The following VWA5B1 variants were observed in gnomAD, a reference collection of about 807,000 sequenced individuals.
VWA5B1 encodes the protein von Willebrand factor A domain-containing protein 5B1.
VWA5B1 carries 115 observed loss-of-function variants against 118.2 expected under a neutral mutation model. The observed-to-expected ratio is 0.97, with a 90% CI of 0.84 to 1.14. The LOEUF (loss-of-function observed/expected upper bound fraction) is 1.14, where lower values mean the gene tolerates loss of function less well. Ranked by LOEUF, VWA5B1 falls within the 50% of genes most tolerant of loss-of-function variation. The pLI is 0.00. For synonymous variants in VWA5B1, 682 were observed against 658.4 expected (o/e 1.04, Z -0.55); for missense variants, 1,596 against 1,603.8 (o/e 1.00, Z 0.08).
At position 20,318,573 on chromosome 1, in the gene VWA5B1, C is replaced by A; in HGVS notation, c.710-17C>A. On this transcript the variant is annotated splice_polypyrimidine_tract_variant and intron_variant, in intron 5 of 21. Transcript: ENST00000289815. ...CCTCATGAGCCTATATCCCCCTTGC[C>A]TTTCTATGCCACTCAGGGGTGGAGA... is the stretch of plus-strand genomic sequence containing the variant. 4 of 1,551,256 alleles carry A rather than the reference C, an allele frequency of 2.6e-6. No individual in the cohort carries two copies. The highest frequency in any genetic ancestry group is 3.5e-6 in the Non-Finnish European group (4 of 1,146,938).
chr1:20,335,918 C>T (rs2089702684), intron 12 of VWA5B1, among the ~76,000 whole-genome samples: 1 of 152,138 alleles, frequency 6.6e-6, no homozygotes, highest in Non-Finnish European at 1.5e-5. Flanking sequence ...TAAATGGACC[C>T]ACGCAGTTAA....
intron 12 of VWA5B1, 114 bp downstream of exon 12, chr1:20,333,065 G>C: frequency 7.8e-7 from 1 of 1,281,614 alleles, no homozygotes; most frequent in African/African-American, 1.5e-5. Flanking sequence ...AAGTGGGTTT[G>C]CAGCTGTGGG....
At chr1:20,323,565 G>A (rs780295355) in intron 8 of VWA5B1, 33 bp downstream of exon 8, 32 of 1,347,964 alleles carry the variant, frequency 2.4e-5, no homozygotes, top group African/African-American at 4.5e-5. Context: ...CCGAGGACCC[G>A]GGGCTCCAGG....
chr1:20,329,254 C>T (rs1254799274), intron 9 of VWA5B1, among the ~76,000 whole-genome samples: 1 of 147,252 alleles, frequency 6.8e-6, no homozygotes, highest in Non-Finnish European at 1.5e-5. Flanking sequence ...TGAAACATGC[C>T]ATTACTGCTT....
chr1:20,320,010 A>G (rs2089156487), intron 7 of VWA5B1, among the ~76,000 whole-genome samples: 1 of 152,168 alleles, frequency 6.6e-6, no homozygotes, highest in Non-Finnish European at 1.5e-5. Flanking sequence ...CTGCAGGACA[A>G]GGAGGCCTGG....
chr1:20,323,911 C>A (rs2089297958), intron 8 of VWA5B1, among the ~76,000 whole-genome samples: 1 of 152,186 alleles, frequency 6.6e-6, no homozygotes, highest in South Asian at 2.1e-4. Flanking sequence ...GGTACCTCAT[C>A]CAGACAATAA....
chr1:20,332,489 TAAAATAA>T (rs1226540571), intron 11 of VWA5B1, among the ~76,000 whole-genome samples: 4 of 75,634 alleles, frequency 5.3e-5, no homozygotes, highest in African/African-American at 2.3e-4. Flanking sequence ...CAAAATAAAA[TAAAATAA>T]AATAAAATAA....
Position 20,317,594 on chromosome 1 carries a change from C to T in VWA5B1, c.628C>T (p.Leu210Phe). The T allele has an allele frequency of 1.9e-6, 3 of 1,551,904 alleles. No homozygotes were observed. The highest frequency in any genetic ancestry group is 2.6e-6 in the Non-Finnish European group (3 of 1,147,040). The part of the protein sequence containing the change: ...GSWNKLCLAT[L>F]LNTEVSNPME... ...CTGGAATAAGTTGTGCCTGGCGACT[C>T]TCCTGAACACCGAAGTGTCCAACCC... The change falls in exon 5 of 22, where the codon CTC becomes TTC. Residue 210 changes from leucine to phenylalanine, a missense_variant. Coordinates refer to ENST00000289815, the MANE Select transcript of VWA5B1 (RefSeq NM_001039500.3).
chr1:20,315,899 C>T (rs377159032), intron 4 of VWA5B1, among the ~76,000 whole-genome samples: 2 of 152,128 alleles, frequency 1.3e-5, no homozygotes, highest in Non-Finnish European at 2.9e-5. Context: ...CCAGTGATGA[C>T]GAGCCTTGTG....
chr1:20,327,271 G>A (rs1468081018), intron 8 of VWA5B1, among the ~76,000 whole-genome samples: 2 of 152,040 alleles, frequency 1.3e-5, no homozygotes, highest in Non-Finnish European at 2.9e-5. Flanking sequence ...TATAAAATGG[G>A]GATAAAAGCG....
At chr1:20,301,101 C>A (rs2088493727) in intron 1 of VWA5B1, among the ~76,000 whole-genome samples, 1 of 152,224 alleles carries the variant, frequency 6.6e-6, no homozygotes, top group African/African-American at 2.4e-5. Flanking sequence ...GAAGGGAAGG[C>A]AATGAATGTA....
At position 20,319,406 on chromosome 1, in the gene VWA5B1, T is replaced by G; in HGVS notation, c.866T>G (p.Ile289Arg). The change falls in exon 7 of 22, where the codon ATA becomes AGA. Residue 289 changes from isoleucine (I) to arginine (R), a missense_variant. Coordinates refer to ENST00000289815, the MANE Select transcript of VWA5B1 (RefSeq NM_001039500.3). ...GAGCCCCATATGCCCCATGTCCTGA[T>G]AGAGAAAGGGGACATGACCCTGGGA... Reference protein sequence around the residue: ...PSEPHMPHVLIEKGDMTLGEF... With the variant: ...PSEPHMPHVLREKGDMTLGEF... The G allele has an allele frequency of 6.4e-7, 1 of 1,551,672 alleles. No homozygotes were observed. Among genetic ancestry groups the G allele is most frequent in the Non-Finnish European group, 8.7e-7 (1 of 1,146,976 alleles).
At chr1:20,352,647 G>T (rs1355575074) in intron 21 of VWA5B1, among the ~76,000 whole-genome samples, 5 of 152,170 alleles carry the variant, frequency 3.3e-5, no homozygotes, top group African/African-American at 1.2e-4. Context: ...TCTGGAGTGG[G>T]CTTCTCTGAA....
intron 11 of VWA5B1, among the ~76,000 whole-genome samples, chr1:20,332,021 A>C (rs1570162702): frequency 2.0e-5 from 3 of 152,260 alleles, no homozygotes; most frequent in Non-Finnish European, 4.4e-5. Flanking sequence ...ATTGCAAATA[A>C]TCCTTCAACT....
At chr1:20,301,819 T>C (rs2088511080) in intron 1 of VWA5B1, among the ~76,000 whole-genome samples, 2 of 152,152 alleles carry the variant, frequency 1.3e-5, no homozygotes, top group African/African-American at 4.8e-5. Context: ...ACACTGAATT[T>C]GTGTAATACA....
In VWA5B1 at chr1:20,317,543, T is replaced by C; in HGVS notation, c.577T>C (p.Cys193Arg). ...GCCCTTTTCCAGCAAAGACAGGCAC[T>C]GCTTCGGTGCCTGGGCCCCGGGCTC... ...NQQAQGKDRH[C>R]FGAWAPGSWN... Residue 193 changes from cysteine to arginine, a missense_variant, in exon 5 of 22, where the codon TGC becomes CGC. Coordinates refer to ENST00000289815, the MANE Select transcript of VWA5B1 (RefSeq NM_001039500.3). The C allele has an allele frequency of 6.4e-7, 1 of 1,551,632 alleles. No individual in the cohort carries two copies. Among genetic ancestry groups the C allele is most frequent in the Non-Finnish European group, 8.7e-7 (1 of 1,146,948 alleles).
intron 12 of VWA5B1, among the ~76,000 whole-genome samples, chr1:20,334,549 G>A (rs1488458909): frequency 6.6e-6 from 1 of 152,298 alleles, no homozygotes; most frequent in East Asian, 1.9e-4. Context: ...GATGGCTCAC[G>A]CCTATAATCC....
At chr1:20,350,062 G>A (rs1417736095) in intron 18 of VWA5B1, 94 bp from the exon 19 acceptor site, 3 of 1,311,816 alleles carry the variant, frequency 2.3e-6, no homozygotes, top group Non-Finnish European at 3.2e-6. Flanking sequence ...CAACCCACCT[G>A]CAGACACCGT....
rs1322056739 is a variant in VWA5B1 at position 20,310,648 on chromosome 1, C to G, written c.47C>G (p.Thr16Ser). 7.1e-6 allele frequency: 11 copies of G among 1,550,590 alleles called. No homozygotes were observed. The East Asian group carries it at 9.8e-5, about 14-fold the overall frequency. ...NWITGAALPL[T>S]ASDVTSCVSG... ...ATCACGGGGGCAGCCCTGCCCCTCACCGCGTCTGATGTTACCTCCTGTGTC... is the reference window on the plus strand; with the variant it reads ...ATCACGGGGGCAGCCCTGCCCCTCAGCGCGTCTGATGTTACCTCCTGTGTC... Residue 16 changes from threonine (T) to serine (S), a missense_variant, in exon 2 of 22, where the codon ACC becomes AGC. Thr to Ser is a moderately conservative substitution (Grantham distance 58). Coordinates refer to ENST00000289815, the MANE Select transcript of VWA5B1 (RefSeq NM_001039500.3).
Sources: allele counts gnomAD v4.1 joint callset (sites outside exome capture counted in the v4.1 genomes callset), GRCh38; gene constraint gnomAD v4.1.1; transcripts MANE v1.5; gene names NCBI Gene and HGNC (gene_info 2026-07-23, HGNC 2026-07-21).